Variants in USP46 observed in about 807,000 individuals in gnomAD.
USP46 encodes the protein ubiquitin specific peptidase 46.
In USP46, 12 loss-of-function variants were observed where a neutral mutation model predicts 44.4. The observed-to-expected ratio is 0.27, with a 90% CI of 0.17 to 0.44. The LOEUF is 0.44. USP46 is among the 20% of genes least tolerant of loss of function. The pLI, the probability that USP46 is intolerant of heterozygous loss-of-function variation, is 1.00. For synonymous variants in USP46, 155 were observed against 161.5 expected (o/e 0.96, Z 0.31); for missense variants, 248 against 444.8 (o/e 0.56, Z 3.98).
rs1429278898 is a variant in USP46, at chr4:52,659,025, C to T, written c.36+90G>A. ...GCGCGGACCCCGCCGCCCCCGCCGC[C>T]CCAGCCACCGGGCGTGTGTGCAGCT... On this transcript the variant is annotated intron_variant, in intron 1 of 8. Transcript: ENST00000441222. The surrounding 1 kb of genome is among the most constrained non-coding windows in gnomAD (Gnocchi z 4.2). The T allele has an allele frequency of 1.4e-6, 2 of 1,449,214 alleles. No individual in the cohort carries two copies. Among genetic ancestry groups the T allele is most frequent in the East Asian group, 3.1e-5 (1 of 32,402 alleles). The allele number at this position is 1,449,214 out of a possible 1,614,324, so 89.8% of individuals were successfully genotyped here.
At chr4:52,601,788 TG>T in intron 7 of USP46, 68 bp downstream of exon 7, 2 of 1,507,560 alleles carry the variant, frequency 1.3e-6, no homozygotes, top group Non-Finnish European at 1.8e-6. Context: ...AAGGTGCAGC[TG>T]GGTATACTTC....
Position 52,597,543 on chromosome 4 carries a change from T to G in USP46, c.*97A>C. Reference sequence around the variant, plus strand: ...ACCATTGAGACTCGGAGTGATACCATTAGTGGGCCACTGGGGAAGAGGAAA... The same window carrying G: ...ACCATTGAGACTCGGAGTGATACCAGTAGTGGGCCACTGGGGAAGAGGAAA... On this transcript the variant is annotated 3_prime_UTR_variant, in exon 9 of 9. Transcript: ENST00000441222. 2 of 779,304 alleles carry G rather than the reference T, an allele frequency of 2.6e-6. No individual in the cohort carries two copies. The highest frequency in any genetic ancestry group is 4.3e-6 in the Non-Finnish European group (2 of 463,116). The allele number at this position is 779,304 out of a possible 1,614,324, so 48.3% of individuals were successfully genotyped here.
intron 4 of USP46, among the ~76,000 whole-genome samples, chr4:52,619,720 C>T (rs993474742): frequency 2.0e-5 from 3 of 152,144 alleles, no homozygotes. Flanking sequence ...GAATGCAACG[C>T]CTTGGGAGAT....
In USP46 at chr4:52,604,225, AT is replaced by A. The variant is rs370499423; in HGVS notation, c.722+275del. Among the ~76,000 whole-genome samples the A allele has an allele frequency of 7.3e-4, 111 of 152,336 alleles. 1 individual carries two copies. Among genetic ancestry groups the A allele is most frequent in the African/African-American group, 2.6e-3 (108 of 41,568 alleles). On this transcript the variant is annotated intron_variant, in intron 6 of 8. Transcript: ENST00000441222. The stretch of plus-strand genomic sequence containing the variant: ...AATCATTACTTGTTTATCTAGCATA[AT>A]ATCTGGCACATGGCAGGGCTCAACA...
At chr4:52,630,493 A>G (rs765968071) in intron 2 of USP46, among the ~76,000 whole-genome samples, 8 of 152,176 alleles carry the variant, frequency 5.3e-5, no homozygotes, top group Non-Finnish European at 1.0e-4. Flanking sequence ...AGTGGCTCAC[A>G]CCTGTAATCC....
chr4:52,632,990 A>AAAGAAAGAAAGAAAAG, intron 1 of USP46, among the ~76,000 whole-genome samples: 19 of 66,288 alleles, frequency 2.9e-4, no homozygotes, highest in Admixed American at 8.1e-4. Flanking sequence ...GAAAGAAAAG[A>AAAGAAAGAAAGAAAAG]AAAGAAAGAA....
At chr4:52,616,466 G>T (rs1390044309) in intron 4 of USP46, among the ~76,000 whole-genome samples, 1 of 152,178 alleles carries the variant, frequency 6.6e-6, no homozygotes, top group Non-Finnish European at 1.5e-5. Context: ...TCCGCCACCT[G>T]AGTTCAAGTG....
At chr4:52,656,080 T>C (rs1718935320) in intron 1 of USP46, among the ~76,000 whole-genome samples, 1 of 152,208 alleles carries the variant, frequency 6.6e-6, no homozygotes, top group Non-Finnish European at 1.5e-5. Context: ...CGTTTTTTCC[T>C]GTTACCCAGA....
rs559341482 is a variant in USP46 at position 52,624,054 on chromosome 4, C to A, written c.561+1964G>T. On this transcript the variant is annotated intron_variant, in intron 4 of 8. Coordinates refer to ENST00000441222, the MANE Select transcript of USP46 (RefSeq NM_022832.4). ...TGTGGGAAATGCTATAGGACAAACACCCTGATTTCTTTAAAAAATAAATTG... is the reference window on the plus strand; with the variant it reads ...TGTGGGAAATGCTATAGGACAAACAACCTGATTTCTTTAAAAAATAAATTG... 5.3e-5 allele frequency among the ~76,000 whole-genome samples: 8 copies of A among 152,264 alleles called. No individual in the cohort carries two copies. In the East Asian group the frequency reaches 1.5e-3, roughly 29 times the overall value.
In USP46 at chr4:52,592,824, G is replaced by T; in HGVS notation, c.*4816C>A. 2.5e-6 allele frequency: 1 copy of T among 397,928 alleles called. No homozygotes were observed. The highest frequency in any genetic ancestry group is 1.3e-4 in the South Asian group (1 of 7,770). The allele number at this position is 397,928 out of a possible 1,614,324, so 24.6% of individuals were successfully genotyped here. On this transcript the variant is annotated 3_prime_UTR_variant, in exon 9 of 9. Coordinates refer to ENST00000441222, the MANE Select transcript of USP46 (RefSeq NM_022832.4). ...ACTGCACTCCAGCCTGGGTGACAGT[G>T]AGACTCCATCTTAAAAAAAAAAAAG...
intron 1 of USP46, among the ~76,000 whole-genome samples, chr4:52,646,642 T>C (rs1043835718): frequency 6.6e-6 from 1 of 152,252 alleles, no homozygotes; most frequent in Non-Finnish European, 1.5e-5. Flanking sequence ...TTCCTTTTTA[T>C]TGTATTTTAC....
intron 3 of USP46, among the ~76,000 whole-genome samples, 167 bp downstream of exon 3, chr4:52,627,783 T>G (rs1746080298): frequency 6.6e-6 from 1 of 152,196 alleles, no homozygotes; most frequent in South Asian, 2.1e-4. Context: ...TGTTTTAAGT[T>G]TACTGGGCAG....
At chr4:52,615,421 A>G (rs1047704552) in intron 4 of USP46, among the ~76,000 whole-genome samples, 3 of 152,204 alleles carry the variant, frequency 2.0e-5, no homozygotes, top group Non-Finnish European at 4.4e-5. Context: ...AGTTATTAAG[A>G]GAAATAAAAG....
chr4:52,597,758 A>G lies in USP46; in HGVS notation c.1000-17T>C, dbSNP rs1386475983. 3 of 1,525,586 alleles carry G rather than the reference A, an allele frequency of 2.0e-6. No individual in the cohort carries two copies. Among genetic ancestry groups the G allele is most frequent in the Non-Finnish European group, 2.7e-6 (3 of 1,121,308 alleles). The allele number at this position is 1,525,586 out of a possible 1,614,324, so 94.5% of individuals were successfully genotyped here. ...ATCTATTTTCTGCAATAAAGGAGAA[A>G]GAAAACAACACAATTACTTAACATG... On this transcript the variant is annotated splice_polypyrimidine_tract_variant and intron_variant, in intron 8 of 8. Coordinates refer to ENST00000441222, the MANE Select transcript of USP46 (RefSeq NM_022832.4).
intron 5 of USP46, among the ~76,000 whole-genome samples, chr4:52,607,554 G>C (rs1716736415): frequency 6.6e-6 from 1 of 152,160 alleles, no homozygotes; most frequent in African/African-American, 2.4e-5. Flanking sequence ...TTTGGGGCTT[G>C]ATATAGTTTG....
chr4:52,641,497 T>C (rs1029651123), intron 1 of USP46, among the ~76,000 whole-genome samples: 12 of 152,142 alleles, frequency 7.9e-5, no homozygotes, highest in Non-Finnish European at 1.2e-4. Flanking sequence ...AAGAAAGAAA[T>C]GTTTTGAAGC....
At chr4:52,648,124 T>C (rs751654904) in intron 1 of USP46, among the ~76,000 whole-genome samples, 2 of 152,192 alleles carry the variant, frequency 1.3e-5, no homozygotes, top group Non-Finnish European at 2.9e-5. Flanking sequence ...CAAGCTCTCA[T>C]ACCCAATCAA....
rs1321499636 is a variant in USP46 at position 52,631,185 on chromosome 4, T to C, written c.37-41A>G. The C allele has an allele frequency of 1.0e-5, 15 of 1,487,656 alleles. No individual in the cohort carries two copies. The Admixed American group carries it at 1.5e-4, about 15-fold the overall frequency. 92.2% of individuals were successfully genotyped at this position (1,487,656 alleles called of 1,614,324 possible). ...AGCAAAAGTTCTGTTGCATGTAAAATAGACAAAAAGTAAAATCATACCTAA... is the reference window on the plus strand; with the variant it reads ...AGCAAAAGTTCTGTTGCATGTAAAACAGACAAAAAGTAAAATCATACCTAA... On this transcript the variant is annotated intron_variant, in intron 1 of 8. Coordinates refer to ENST00000441222, the MANE Select transcript of USP46 (RefSeq NM_022832.4).
chr4:52,608,498 GA>G (rs1716791056), intron 5 of USP46, among the ~76,000 whole-genome samples: 1 of 152,266 alleles, frequency 6.6e-6, no homozygotes, highest in Admixed American at 6.5e-5. Flanking sequence ...AGGAGCTGAG[GA>G]GATGAATACA....
Sources: gnomAD v4.1 joint callset for allele counts (sites outside exome capture counted in the v4.1 genomes callset) on GRCh38, gnomAD v4.1.1 for gene constraint, Gnocchi (gnomAD v3.1) non-coding constraint, MANE v1.5 for transcripts, NCBI Gene and HGNC (gene_info 2026-07-23, HGNC 2026-07-21) for gene names.